OSER1: variants seen among roughly 807,000 people sequenced by gnomAD.
OSER1 encodes oxidative stress-responsive serine-rich protein 1.
Under a neutral mutation model 26.3 loss-of-function variants are expected in OSER1, and 15 were observed. The observed-to-expected ratio is 0.57, with a 90% confidence interval of 0.38 to 0.88. The LOEUF (loss-of-function observed/expected upper bound fraction) is 0.88, where lower values mean the gene tolerates loss of function less well. Among genes scored for constraint, OSER1 ranks in the 40% least tolerant of loss-of-function variants. The pLI, the probability that OSER1 is intolerant of heterozygous loss-of-function variation, is 0.00. For missense variants in OSER1, 313 were observed against 353.9 expected, an observed-to-expected ratio of 0.88 and a Z score of 0.93; for synonymous variants, 127 against 128.2, an observed-to-expected ratio of 0.99 and a Z score of 0.07.
chr20:44,203,151 A>G, intron 2 of OSER1, 77 bp from the exon 3 acceptor site: 1 of 686,120 alleles, frequency 1.5e-6, no homozygotes, highest in Non-Finnish European at 2.6e-6. Flanking sequence ...TAGCTCAAAT[A>G]CAACTTTTAT....
At chr20:44,199,012 G>A (rs2072952715) in intron 3 of OSER1, among the ~76,000 whole-genome samples, 1 of 152,150 alleles carries the variant, frequency 6.6e-6, no homozygotes, top group Non-Finnish European at 1.5e-5. Flanking sequence ...TTGGTTATTA[G>A]ATCAACTACC....
In OSER1 at chr20:44,210,764, A is replaced by C. The variant is rs731498; in HGVS notation, c.-110T>G. On this transcript the variant is annotated 5_prime_UTR_variant, in exon 1 of 4. Transcript: ENST00000255174. ...CAGAGCGTCTCTCCCAAATCTCGGC[A>C]CCCGACTGACCCGGATCCAAACCAG... The C allele has an allele frequency of 0.12, 17,710 of 152,344 alleles. 1,202 individuals carry two copies. The highest frequency in any genetic ancestry group is 0.17 in the Middle Eastern group (49 of 296). 9.4% of individuals were successfully genotyped at this position (152,344 alleles called of 1,614,324 possible). A position where few individuals can be genotyped will look rare whatever the true frequency, so the allele number is the denominator to read the frequency against.
intron 3 of OSER1, among the ~76,000 whole-genome samples, chr20:44,199,103 A>G (rs2072954083): frequency 6.6e-6 from 1 of 152,240 alleles, no homozygotes; most frequent in Non-Finnish European, 1.5e-5. Context: ...TGATGCTAGC[A>G]GTTTGGGTAT....
intron 2 of OSER1, among the ~76,000 whole-genome samples, chr20:44,204,787 A>T (rs929215454): frequency 1.3e-5 from 2 of 152,062 alleles, no homozygotes; most frequent in African/African-American, 4.8e-5. Flanking sequence ...ATTTTGAAAA[A>T]TTTTTAAATA....
intron 2 of OSER1, 37 bp downstream of exon 2, chr20:44,206,844 C>A: frequency 1.2e-6 from 1 of 856,942 alleles, no homozygotes; most frequent in Non-Finnish European, 2.0e-6. Flanking sequence ...AATAAGTAAA[C>A]AAATAATTCC....
At chr20:44,203,665 A>G (rs769535863) in intron 2 of OSER1, among the ~76,000 whole-genome samples, 19 of 150,606 alleles carry the variant, frequency 1.3e-4, no homozygotes, top group Non-Finnish European at 2.4e-4. Context: ...CCAACATCAA[A>G]CATTGGTGGA....
chr20:44,200,506 A>G (rs536840489), intron 3 of OSER1, among the ~76,000 whole-genome samples: 3 of 152,360 alleles, frequency 2.0e-5, no homozygotes, highest in African/African-American at 7.2e-5. Context: ...TAAAAAATTT[A>G]CCATACGGTG....
In OSER1 at chr20:44,196,596, T is replaced by C. The variant is rs1026784151; in HGVS notation, c.*456A>G. On this transcript the variant is annotated 3_prime_UTR_variant, in exon 4 of 4. Transcript: ENST00000255174. The stretch of plus-strand genomic sequence containing the variant: ...CTTTATAGACACAATATATCTTGCA[T>C]TAAATCAGAGACGGTTTAAATCAGT... 1 of 160,610 alleles carries C rather than the reference T, an allele frequency of 6.2e-6. No individual in the cohort carries two copies. Among genetic ancestry groups the C allele is most frequent in the African/African-American group, 2.4e-5 (1 of 41,514 alleles). The allele number at this position is 160,610 out of a possible 1,614,324, so 9.9% of individuals were successfully genotyped here. A position where few individuals can be genotyped will look rare whatever the true frequency, so the allele number is the denominator to read the frequency against.
chr20:44,197,950 CGA>C (rs1259159071), intron 3 of OSER1, among the ~76,000 whole-genome samples: 1 of 152,112 alleles, frequency 6.6e-6, no homozygotes, highest in Non-Finnish European at 1.5e-5. Context: ...AGCTATAGAA[CGA>C]GGTGAGATAA....
intron 1 of OSER1, 54 bp downstream of exon 1, chr20:44,210,642 G>A (rs1471021745): frequency 6.6e-6 from 1 of 152,472 alleles, no homozygotes; most frequent in Non-Finnish European, 1.5e-5. Flanking sequence ...CAGACCGGCA[G>A]TGGAAGCTGA....
chr20:44,206,937 A>G lies in OSER1; in HGVS notation c.21T>C (p.Asp7=). Residue 7 remains aspartate, a synonymous_variant, in exon 2 of 4, where the codon GAT becomes GAC. Coordinates refer to ENST00000255174, the MANE Select transcript of OSER1 (RefSeq NM_016470.8). ...CAGTCTGTAGACTCTCCTCCTCTCC[A>G]TCCTTGGCTTCGGATTTCATTGTGC... MKSEAK[D]GEEESLQTAF... is the part of the protein sequence containing the mutation. 2 of 1,607,042 alleles carry G rather than the reference A, an allele frequency of 1.2e-6. No individual in the cohort carries two copies.
At chr20:44,203,607 T>C (rs1448753399) in intron 2 of OSER1, among the ~76,000 whole-genome samples, 1 of 151,692 alleles carries the variant, frequency 6.6e-6, no homozygotes, top group African/African-American at 2.4e-5. Context: ...TGAAAAAATC[T>C]AAAAGCAAGA....
rs145729530 is a variant in OSER1 at position 44,201,313 on chromosome 20, G to C, written c.191+1648C>G. Among the ~76,000 whole-genome samples the C allele has an allele frequency of 1.8e-3, 268 of 152,340 alleles. 1 individual carries two copies. Among genetic ancestry groups the C allele is most frequent in the Admixed American group, 9.0e-3 (138 of 15,300 alleles). The stretch of plus-strand genomic sequence containing the variant: ...GCATCCTCAGATTTTGGTATTGAGA[G>C]GGGCGTGTGAGTGGGGAGGACCTGG... On this transcript the variant is annotated intron_variant, in intron 3 of 3. Coordinates refer to ENST00000255174, the MANE Select transcript of OSER1 (RefSeq NM_016470.8).
intron 3 of OSER1, among the ~76,000 whole-genome samples, chr20:44,201,217 G>A (rs555487014): frequency 2.0e-5 from 3 of 152,276 alleles, no homozygotes; most frequent in African/African-American, 7.2e-5. Context: ...CTCTAGAGAT[G>A]GTTTAAAGTA....
chr20:44,197,884 T>C, intron 3 of OSER1, 145 bp from the exon 4 acceptor site: 1 of 601,464 alleles, frequency 1.7e-6, no homozygotes, highest in Non-Finnish European at 2.9e-6. Context: ...CCTTCCTCCA[T>C]TTTCATGCTG....
intron 1 of OSER1, among the ~76,000 whole-genome samples, chr20:44,208,112 C>T (rs553075940): frequency 7.6e-6 from 1 of 130,842 alleles, no homozygotes; most frequent in Non-Finnish European, 1.6e-5. Flanking sequence ...TTACCCGCCC[C>T]CCCCCGCCCC....
chr20:44,206,808 C>A (rs955472027), intron 2 of OSER1, 73 bp downstream of exon 2: 5 of 681,036 alleles, frequency 7.3e-6, no homozygotes, highest in Non-Finnish European at 1.3e-5. Flanking sequence ...AGAGGAAGAG[C>A]TTTTTAGGGA....
upstream of OSER1, chr20:44,211,290 T>G (rs1296541736): frequency 6.6e-6 from 1 of 152,262 alleles, no homozygotes; most frequent in South Asian, 2.1e-4. Context: ...GCCTGCGACC[T>G]CTCCGGGACT....
chr20:44,198,640 T>A (rs2072948955), intron 3 of OSER1, among the ~76,000 whole-genome samples: 1 of 131,118 alleles, frequency 7.6e-6, no homozygotes, highest in Non-Finnish European at 1.6e-5. Context: ...AATAAATAAA[T>A]AAAATAAAAT....
Sources: allele counts gnomAD v4.1 joint callset (sites outside exome capture counted in the v4.1 genomes callset), GRCh38; gene constraint gnomAD v4.1.1; transcripts MANE v1.5; gene names NCBI Gene and HGNC (gene_info 2026-07-23, HGNC 2026-07-21).